TRIP12: variants seen among roughly 807,000 people sequenced by gnomAD.
The protein encoded by TRIP12 is E3 ubiquitin-protein ligase TRIP12.
TRIP12 carries 25 observed loss-of-function variants against 244.2 expected under a neutral mutation model. The observed-to-expected ratio is 0.10, with a 90% CI of 0.07 to 0.14. The LOEUF (loss-of-function observed/expected upper bound fraction) is 0.14. Among genes scored for constraint, TRIP12 ranks in the 10% least tolerant of loss-of-function variants. TRIP12 has a pLI of 1.00. For synonymous variants in TRIP12, 905 were observed against 873.1 expected (o/e 1.04, Z -0.64); for missense variants, 1,677 against 2,486.4 (o/e 0.67, Z 6.92).
At chr2:229,909,420 T>G (rs919424544) in intron 1 of TRIP12, among the ~76,000 whole-genome samples, 1 of 151,566 alleles carries the variant, frequency 6.6e-6, no homozygotes, top group Non-Finnish European at 1.5e-5. Flanking sequence ...TAGCTGGATG[T>G]GGTTGTGAAC....
chr2:229,796,760 A>T lies in TRIP12; in HGVS notation c.3647T>A (p.Leu1216His), dbSNP rs750718712. The change falls in exon 25 of 42, where the codon CTT becomes CAT. Residue 1216 changes from leucine (L) to histidine (H), a missense_variant. Transcript: ENST00000675903. ...NLQVDGGAEC[L>H]VEIRSIVSES... ...TGAGACTATGCTACGGATTTCTACA[A>T]GGCACTCAGCTCCACCATCCACCTG... 1 of 1,596,312 alleles carries T rather than the reference A, an allele frequency of 6.3e-7. No individual in the cohort carries two copies. Among genetic ancestry groups the T allele is most frequent in the Non-Finnish European group, 8.5e-7 (1 of 1,173,990 alleles).
intron 2 of TRIP12, among the ~76,000 whole-genome samples, chr2:229,866,386 T>G (rs2061513063): frequency 6.6e-6 from 1 of 152,212 alleles, no homozygotes; most frequent in Admixed American, 6.5e-5. Flanking sequence ...TATAATTTTG[T>G]GTCACTGTGT....
rs751986871 is a variant in TRIP12, at chr2:229,814,340, A to G, written c.1732-15T>C. On this transcript the variant is annotated splice_polypyrimidine_tract_variant and intron_variant, in intron 11 of 41. Transcript: ENST00000675903. Reference sequence around the variant, plus strand: ...ATAACTTGCAGCTGGGAACATATATATAGTTACCATAAGGTTATCATTTAA... The same window carrying G: ...ATAACTTGCAGCTGGGAACATATATGTAGTTACCATAAGGTTATCATTTAA... 1.2e-6 allele frequency: 2 copies of G among 1,607,296 alleles called. No individual in the cohort carries two copies. The highest frequency in any genetic ancestry group is 1.7e-6 in the Non-Finnish European group (2 of 1,175,182).
chr2:229,779,902 C>T (rs559055036), intron 34 of TRIP12, among the ~76,000 whole-genome samples: 8 of 152,162 alleles, frequency 5.3e-5, no homozygotes, highest in Admixed American at 2.0e-4. Context: ...CAAGGTCCCG[C>T]CAGATCAGAC....
At chr2:229,879,859 T>C (rs2064451286) in intron 2 of TRIP12, 123 bp downstream of exon 2, 11 of 1,115,958 alleles carry the variant, frequency 9.9e-6, no homozygotes, top group Non-Finnish European at 1.4e-5. Context: ...AGTACCTGGC[T>C]CACAAATCAG....
At chr2:229,827,188 G>C (rs1393241833) in intron 8 of TRIP12, among the ~76,000 whole-genome samples, 1 of 151,874 alleles carries the variant, frequency 6.6e-6, no homozygotes, top group Non-Finnish European at 1.5e-5. Flanking sequence ...GCTGAAGCAG[G>C]AGAATCGCTT....
At chr2:229,775,834 T>C (rs1447129588) in intron 37 of TRIP12, among the ~76,000 whole-genome samples, 1 of 151,860 alleles carries the variant, frequency 6.6e-6, no homozygotes, top group Non-Finnish European at 1.5e-5. Flanking sequence ...AATGTCACCA[T>C]TTCTCATGCT....
At chr2:229,830,943 G>A in intron 6 of TRIP12, 104 bp from the exon 7 acceptor site, 2 of 943,376 alleles carry the variant, frequency 2.1e-6, no homozygotes, top group South Asian at 1.4e-5. Flanking sequence ...ATTGAATAAA[G>A]GCAATTAAAC....
chr2:229,864,496 A>G (rs77610610), intron 2 of TRIP12, among the ~76,000 whole-genome samples: 4,970 of 152,176 alleles, frequency 0.033, 109 homozygotes, highest in Middle Eastern at 0.096. Flanking sequence ...TGACAGTACA[A>G]GGTATGGTGG....
At chr2:229,811,239 G>T in intron 13 of TRIP12, 35 bp from the exon 14 acceptor site, 1 of 1,583,868 alleles carries the variant, frequency 6.3e-7, no homozygotes, top group African/African-American at 1.4e-5. Context: ...AAATTTATTA[G>T]CATAAAGCAT....
At chr2:229,891,488 G>A (rs999891691) in intron 1 of TRIP12, among the ~76,000 whole-genome samples, 8 of 151,892 alleles carry the variant, frequency 5.3e-5, no homozygotes, top group African/African-American at 1.7e-4. Context: ...CAGCTACTCC[G>A]GAGGCTAAGG....
intron 1 of TRIP12, among the ~76,000 whole-genome samples, chr2:229,884,100 C>T (rs992935846): frequency 9.3e-5 from 14 of 150,714 alleles, no homozygotes; most frequent in African/African-American, 3.4e-4. Flanking sequence ...AATAGTGAGT[C>T]CATTTCAAAA....
At chr2:229,904,187 G>A (rs2071948089) in intron 1 of TRIP12, among the ~76,000 whole-genome samples, 1 of 152,152 alleles carries the variant, frequency 6.6e-6, no homozygotes, top group Admixed American at 6.5e-5. Flanking sequence ...GGTGGCCAAG[G>A]AGGATGGATC....
chr2:229,831,227 A>T, intron 6 of TRIP12: 1 of 676,442 alleles, frequency 1.5e-6, no homozygotes, highest in Non-Finnish European at 2.7e-6. Context: ...AATAATAAAA[A>T]GGCAAAATAG....
chr2:229,813,487 G>A lies in TRIP12; in HGVS notation c.1986+383C>T, dbSNP rs115250934. The stretch of plus-strand genomic sequence containing the variant: ...AAGATTTAAAATACTAATTGAAATT[G>A]TCATTTAAAAAAGTGGCTGGGCGCG... On this transcript the variant is annotated intron_variant, in intron 13 of 41. Transcript: ENST00000675903. 1.8e-3 allele frequency among the ~76,000 whole-genome samples: 277 copies of A among 152,216 alleles called. 2 individuals are homozygous for A. Among genetic ancestry groups the A allele is most frequent in the African/African-American group, 6.3e-3 (260 of 41,544 alleles).
intron 1 of TRIP12, among the ~76,000 whole-genome samples, chr2:229,899,559 G>C (rs561308901): frequency 6.6e-6 from 1 of 152,296 alleles, no homozygotes; most frequent in Admixed American, 6.5e-5. Flanking sequence ...TTAAAAGAAT[G>C]CTGGGAAGCT....
At chr2:229,835,932 A>G (rs890845810) in intron 6 of TRIP12, among the ~76,000 whole-genome samples, 2 of 152,218 alleles carry the variant, frequency 1.3e-5, no homozygotes, top group Non-Finnish European at 2.9e-5. Flanking sequence ...CAAATATGGG[A>G]AAAAACTCCT....
intron 39 of TRIP12, among the ~76,000 whole-genome samples, chr2:229,770,657 G>T (rs2033913921): frequency 6.6e-6 from 1 of 152,106 alleles, no homozygotes; most frequent in South Asian, 2.1e-4. Context: ...ATATGGTTTG[G>T]CTGTGCCCCT....
At chr2:229,876,322 G>A (rs906502608) in intron 2 of TRIP12, among the ~76,000 whole-genome samples, 1 of 152,006 alleles carries the variant, frequency 6.6e-6, no homozygotes, top group African/African-American at 2.4e-5. Context: ...TGATAAGAAG[G>A]CCTTCAAAGT....
Sources: gnomAD v4.1 joint callset for allele counts (sites outside exome capture counted in the v4.1 genomes callset) on GRCh38, gnomAD v4.1.1 for gene constraint, MANE v1.5 for transcripts, NCBI Gene and HGNC (gene_info 2026-07-23, HGNC 2026-07-21) for gene names.